DNM1L: variants seen among roughly 807,000 people sequenced by gnomAD.
DNM1L encodes the protein dynamin-1-like protein.
In DNM1L, 33 loss-of-function variants were observed where a neutral mutation model predicts 92.8. The ratio of observed to expected loss-of-function variants is 0.36; its 90% CI spans 0.27 to 0.48. The LOEUF (loss-of-function observed/expected upper bound fraction) is 0.48, where lower values mean the gene tolerates loss of function less well. Ranked by LOEUF, DNM1L falls within the 20% of genes least tolerant of loss-of-function variation. The probability of loss-of-function intolerance (pLI) is 0.99; values close to 1 mark genes in which losing one functional copy is unlikely to be tolerated. For missense variants in DNM1L, 485 were observed against 888.8 expected (o/e 0.55, Z 5.78); for synonymous variants, 284 against 305.0 (o/e 0.93, Z 0.72).
At chr12:32,701,285 A>G in intron 1 of DNM1L, 130 bp from the exon 2 acceptor site, 1 of 850,354 alleles carries the variant, frequency 1.2e-6, no homozygotes, top group Non-Finnish European at 1.8e-6. Context: ...TCAAAAAAAA[A>G]AAAAAATAGT....
chr12:32,722,780 G>A (rs1953865268), intron 9 of DNM1L, 147 bp downstream of exon 9: 2 of 605,554 alleles, frequency 3.3e-6, no homozygotes, highest in Admixed American at 6.0e-5. Flanking sequence ...ATAGGATGAT[G>A]TCTGGTTGTG....
At chr12:32,733,099 TCAAA>T (rs538241574) in intron 12 of DNM1L, among the ~76,000 whole-genome samples, 55 of 152,262 alleles carry the variant, frequency 3.6e-4, no homozygotes, top group East Asian at 1.7e-3. Context: ...AAACTCCGTC[TCAAA>T]CAAACAAACA....
Position 32,741,482 on chromosome 12 carries a change from A to C in DNM1L, c.1994+964A>C, listed in dbSNP as rs558049418. 2.2e-3 allele frequency among the ~76,000 whole-genome samples: 333 copies of C among 152,234 alleles called. 1 individual carries two copies. The highest frequency in any genetic ancestry group is 0.02 in the Middle Eastern group (6 of 294). On this transcript the variant is annotated intron_variant, in intron 18 of 19. Transcript: ENST00000549701. The stretch of plus-strand genomic sequence containing the variant: ...TGTATTTTTAGTAGAGACGGGTTTC[A>C]CCATGTTGGCCAGGCTGGTCTCGAA...
chr12:32,694,179 G>T (rs1952339254), intron 1 of DNM1L, among the ~76,000 whole-genome samples: 1 of 152,198 alleles, frequency 6.6e-6, no homozygotes, highest in Non-Finnish European at 1.5e-5. Flanking sequence ...CGCCTCCTGG[G>T]TTCAAGCAGT....
chr12:32,694,364 G>A (rs746078150), intron 1 of DNM1L, among the ~76,000 whole-genome samples: 2 of 152,164 alleles, frequency 1.3e-5, no homozygotes, highest in African/African-American at 2.4e-5. Flanking sequence ...GATTACAGGC[G>A]TGAGCCACCG....
At chr12:32,715,093 CTT>C (rs369946346) in intron 6 of DNM1L, among the ~76,000 whole-genome samples, 42 of 139,738 alleles carry the variant, frequency 3.0e-4, no homozygotes, top group South Asian at 2.2e-4. Flanking sequence ...TTAATCTAAT[CTT>C]TTTTTTTTTT....
At chr12:32,717,373 T>G (rs1470584649) in intron 6 of DNM1L, among the ~76,000 whole-genome samples, 4 of 78,608 alleles carry the variant, frequency 5.1e-5, no homozygotes, top group Admixed American at 4.0e-4. Context: ...ATAATATATA[T>G]ACTATATATA....
chr12:32,720,722 G>T lies in DNM1L; in HGVS notation c.799G>T (p.Ala267Ser). 1 of 1,613,838 alleles carries T rather than the reference G, an allele frequency of 6.2e-7. No individual in the cohort carries two copies. Among genetic ancestry groups the T allele is most frequent in the Non-Finnish European group, 8.5e-7 (1 of 1,179,896 alleles). The change falls in exon 8 of 20, where the codon GCT becomes TCT. Residue 267 changes from alanine (A) to serine (S), a missense_variant. Around this residue, in one of 11 missense-constraint regions of DNM1L, gnomAD observed 159 missense variants for 275.9 expected, o/e 0.58. Coordinates refer to ENST00000549701, the MANE Select transcript of DNM1L (RefSeq NM_012062.5). Reference protein sequence around the residue: ...SVTDSIRDEYAFLQKKYPSLA... With the variant: ...SVTDSIRDEYSFLQKKYPSLA... ...AACTGATTCAATCCGTGATGAGTATGCTTTTCTTCAAAAGAAATATCCATC... is the reference window on the plus strand; with the variant it reads ...AACTGATTCAATCCGTGATGAGTATTCTTTTCTTCAAAAGAAATATCCATC...
At chr12:32,724,953 C>T (rs1402045174) in intron 9 of DNM1L, among the ~76,000 whole-genome samples, 2 of 151,906 alleles carry the variant, frequency 1.3e-5, no homozygotes, top group African/African-American at 2.4e-5. Flanking sequence ...AAGTGACATA[C>T]TCATACTTCA....
chr12:32,714,849 A>C (rs896648452), intron 6 of DNM1L, among the ~76,000 whole-genome samples: 3 of 150,982 alleles, frequency 2.0e-5, no homozygotes, highest in African/African-American at 7.3e-5. Context: ...CACAAAAAAC[A>C]ATTAGCTGGG....
chr12:32,681,251 A>G (rs1951790132), intron 1 of DNM1L, among the ~76,000 whole-genome samples: 1 of 152,178 alleles, frequency 6.6e-6, no homozygotes, highest in African/African-American at 2.4e-5. Flanking sequence ...TTTCCATCTA[A>G]GTTCTTATTA....
intron 1 of DNM1L, chr12:32,679,920 T>A: frequency 1.0e-6 from 1 of 986,224 alleles, no homozygotes; most frequent in Non-Finnish European, 1.2e-6. Flanking sequence ...TTTATTTCCC[T>A]CCTTGCCTTG....
At chr12:32,725,935 G>A (rs61454222) in intron 9 of DNM1L, among the ~76,000 whole-genome samples, 22,902 of 149,264 alleles carry the variant, frequency 0.15, 1,858 homozygotes, top group Middle Eastern at 0.21. Context: ...TTAAACGATG[G>A]ATTGTCTTAG....
At chr12:32,710,164 G>A (rs1953071940) in intron 4 of DNM1L, among the ~76,000 whole-genome samples, 1 of 152,148 alleles carries the variant, frequency 6.6e-6, no homozygotes, top group African/African-American at 2.4e-5. Flanking sequence ...CTGCAGGAGA[G>A]AAAATACACG....
chr12:32,731,825 C>CA lies in DNM1L; in HGVS notation c.1357-28dup. 1 of 1,406,472 alleles carries CA rather than the reference C, an allele frequency of 7.1e-7. No homozygotes were observed. Among genetic ancestry groups the CA allele is most frequent in the Non-Finnish European group, 9.9e-7 (1 of 1,008,892 alleles). 87.1% of individuals were successfully genotyped at this position (1,406,472 alleles called of 1,614,324 possible). A position where few individuals can be genotyped will look rare whatever the true frequency, so the allele number is the denominator to read the frequency against. The stretch of plus-strand genomic sequence containing the variant: ...ACTTAAAAAAAAAACAAAAAACAAA[C>CA]ACGTTTTTCTTTCATCTACCATTTG... On this transcript the variant is annotated intron_variant, in intron 11 of 19. Coordinates refer to ENST00000549701, the MANE Select transcript of DNM1L (RefSeq NM_012062.5). The surrounding 1 kb of genome is among the most constrained non-coding windows in gnomAD (Gnocchi z 5.1).
At chr12:32,698,776 C>T (rs1202743950) in intron 1 of DNM1L, among the ~76,000 whole-genome samples, 2 of 151,908 alleles carry the variant, frequency 1.3e-5, no homozygotes, top group Non-Finnish European at 2.9e-5. Context: ...TTATATAGTA[C>T]TTGATTATTT....
At chr12:32,679,939 C>T (rs13377898) in intron 1 of DNM1L, 151,878 of 985,160 alleles carry the variant, frequency 0.15, 13,148 homozygotes, top group African/African-American at 0.36. Flanking sequence ...TGCCCAGGGA[C>T]TGCGGAGTTA....
chr12:32,707,283 G>A (rs892108283), intron 2 of DNM1L, 84 bp from the exon 3 acceptor site: 36 of 1,102,394 alleles, frequency 3.3e-5, no homozygotes, highest in Non-Finnish European at 4.8e-5. Flanking sequence ...GTTAAGAAGT[G>A]TTTTATTATG....
At chr12:32,718,070 A>T (rs1953619190) in intron 6 of DNM1L, among the ~76,000 whole-genome samples, 1 of 134,536 alleles carries the variant, frequency 7.4e-6, no homozygotes, top group African/African-American at 2.8e-5. Context: ...TATTTTATAT[A>T]TATACTATAC....
Sources: allele counts gnomAD v4.1 joint callset (sites outside exome capture counted in the v4.1 genomes callset), GRCh38; gene constraint gnomAD v4.1.1; regional missense constraint gnomAD v4.1.1; non-coding constraint Gnocchi (gnomAD v3.1); transcripts MANE v1.5; gene names NCBI Gene and HGNC (gene_info 2026-07-23, HGNC 2026-07-21).